MPND: variants seen among roughly 807,000 people sequenced by gnomAD.
The protein encoded by MPND is MPN domain-containing protein.
A neutral mutation model predicts 59.2 loss-of-function variants in MPND; 56 were observed. The observed-to-expected ratio is 0.95, with a 90% CI of 0.76 to 1.18. The LOEUF is 1.18. MPND is among the 50% of genes most tolerant of loss of function. The pLI is 0.00. For synonymous variants in MPND, 323 were observed against 291.9 expected, an observed-to-expected ratio of 1.11 and a Z score of -1.09; for missense variants, 671 against 676.0, an observed-to-expected ratio of 0.99 and a Z score of 0.08.
At chr19:4,358,984 C>T (rs972964755) in intron 11 of MPND, among the ~76,000 whole-genome samples, 179 bp from the exon 12 acceptor site, 1 of 152,130 alleles carries the variant, frequency 6.6e-6, no homozygotes, top group Non-Finnish European at 1.5e-5. Context: ...CTCGAGAGAG[C>T]CCTCCTGGAC....
chr19:4,352,428 TAA>T (rs1972340022), intron 3 of MPND, among the ~76,000 whole-genome samples: 1 of 152,182 alleles, frequency 6.6e-6, no homozygotes, highest in African/African-American at 2.4e-5. Flanking sequence ...CTTACGCCTG[TAA>T]TCCCAGCACT....
rs760417017 is a variant in MPND, at chr19:4,359,943, G to A, written c.1447G>A (p.Asp483Asn). 18 of 1,574,496 alleles carry A rather than the reference G, an allele frequency of 1.1e-5. No homozygotes were observed. The highest frequency in any genetic ancestry group is 1.6e-5 in the Non-Finnish European group (18 of 1,159,770). ...KISLASRTPK[D>N]QSLCHVLEQV... Reference sequence around the variant, plus strand: ...CTCCTTGGCCAGCAGGACGCCCAAGGACCAGAGCCTGTGTCACGTCCTGGA... The same window carrying A: ...CTCCTTGGCCAGCAGGACGCCCAAGAACCAGAGCCTGTGTCACGTCCTGGA... The change falls in exon 13 of 13, where the codon GAC becomes AAC. Residue 483 changes from aspartate (D) to asparagine (N), a missense_variant. Transcript: ENST00000599840.
rs375908042 is a variant in MPND at position 4,357,335 on chromosome 19, T to C, written c.1079T>C (p.Leu360Pro). 4.0e-5 allele frequency: 64 copies of C among 1,613,150 alleles called. No individual in the cohort carries two copies. The highest frequency in any genetic ancestry group is 5.2e-5 in the Non-Finnish European group (61 of 1,180,008). ...CCACACAGCCCGGCGCTGCCATCTC[T>C]GCAGGACATCGACGCACAGATGGAC... ...SHPHSPALPS[L>P]QDIDAQMDYQ... Residue 360 changes from leucine (L) to proline (P), a missense_variant, in exon 9 of 13, where the codon CTG becomes CCG. By Grantham distance (98) the Leu-to-Pro change is moderately conservative. Transcript: ENST00000599840.
chr19:4,358,375 C>T, intron 11 of MPND: 2 of 584,330 alleles, frequency 3.4e-6, no homozygotes, highest in South Asian at 2.0e-5. Context: ...CTCACCTCCC[C>T]ACCTGCTGTT....
rs1352356145 is a variant in MPND at position 4,357,577 on chromosome 19, C to T, written c.1228C>T (p.Pro410Ser). ...SKISPFWVMP[P>S]PEQRPSDYGI... is the part of the protein sequence containing the mutation. ...GATCTCACCTTTCTGGGTGATGCCT[C>T]CTCCCGAGGTAGGTGGGGCTGTTGG... Residue 410 changes from proline (P) to serine (S), a missense_variant, in exon 10 of 13, where the codon CCT becomes TCT. Physicochemically the swap from Pro to Ser is moderately conservative, Grantham distance 74. Transcript: ENST00000599840. 6.2e-7 allele frequency: 1 copy of T among 1,612,144 alleles called. No homozygotes were observed. Among genetic ancestry groups the T allele is most frequent in the African/African-American group, 1.3e-5 (1 of 74,916 alleles).
In MPND at chr19:4,345,883, T is replaced by G; in HGVS notation, c.433T>G (p.Trp145Gly). 6.2e-7 allele frequency: 1 copy of G among 1,614,038 alleles called. No individual in the cohort carries two copies. The highest frequency in any genetic ancestry group is 1.1e-5 in the South Asian group (1 of 91,084). The change falls in exon 3 of 13, where the codon TGG becomes GGG. Residue 145 changes from tryptophan (W) to glycine (G), a missense_variant. Physicochemically the swap from Trp to Gly is radical, Grantham distance 184 (BLOSUM62 -2). Coordinates refer to ENST00000599840, the MANE Select transcript of MPND (RefSeq NM_001300862.2). The part of the protein sequence containing the change: ...VNPAKKSGCG[W>G]ASVKYKGQKL... ...CCCTGCCAAGAAGTCGGGCTGTGGC[T>G]GGGCCTCTGTCAAGTACAAAGGCCA...
At chr19:4,343,629 C>CGGGGCGCGGGGCTGCA (rs1437821191) in intron 1 of MPND, 29 bp downstream of exon 1, 330,160 of 1,187,290 alleles carry the variant, frequency 0.28, 49,240 homozygotes, top group East Asian at 0.46. Context: ...GGCGGAGGCG[C>CGGGGCGCGGGGCTGCA]GGGGCGCGGG....
At chr19:4,358,424 G>C in intron 11 of MPND, 1 of 517,924 alleles carries the variant, frequency 1.9e-6, no homozygotes, top group Non-Finnish European at 3.5e-6. Flanking sequence ...CTGTCCAGTA[G>C]AGAAACCCCA....
At chr19:4,359,070 C>T in intron 11 of MPND, 93 bp from the exon 12 acceptor site, 1 of 823,854 alleles carries the variant, frequency 1.2e-6, no homozygotes, top group Non-Finnish European at 2.1e-6. Context: ...GGGGTCATGT[C>T]TCAGGGCTGC....
chr19:4,344,054 TG>T (rs1226515461), intron 2 of MPND, 60 bp downstream of exon 2: 3 of 1,173,122 alleles, frequency 2.6e-6, no homozygotes, highest in African/African-American at 1.6e-5. Context: ...AACTGAGGCC[TG>T]GAGTTCCCTT....
intron 3 of MPND, among the ~76,000 whole-genome samples, chr19:4,352,202 T>TA (rs1972334727): frequency 6.6e-6 from 1 of 151,502 alleles, no homozygotes; most frequent in African/African-American, 2.4e-5. Context: ...AAAGAATAGA[T>TA]AGAGTTCAGA....
In MPND at chr19:4,352,982, A is replaced by G; in HGVS notation, c.617A>G (p.Lys206Arg). The change falls in exon 4 of 13, where the codon AAG becomes AGG. Residue 206 changes from lysine to arginine, a missense_variant. Transcript: ENST00000599840. The stretch of plus-strand genomic sequence containing the variant: ...CTGGCAGGGGTCTCAGCAGAGGACA[A>G]GAGTCGGAGACCACTGGGGAAGAGC... ...DVLAGVSAEDKSRRPLGKSPS... is the reference protein window; with the variant it reads ...DVLAGVSAEDRSRRPLGKSPS... The G allele has an allele frequency of 1.5e-6, 2 of 1,375,860 alleles. No homozygotes were observed. Among genetic ancestry groups the G allele is most frequent in the African/African-American group, 1.5e-5 (1 of 67,394 alleles). The allele number at this position is 1,375,860 out of a possible 1,614,324, so 85.2% of individuals were successfully genotyped here. A position where few individuals can be genotyped will look rare whatever the true frequency, so the allele number is the denominator to read the frequency against.
rs1209553612 is a variant in MPND, at chr19:4,360,000, T to C, written c.1504T>C (p.Ter502ArgextTer19). 1.3e-6 allele frequency: 2 copies of C among 1,560,504 alleles called. No individual in the cohort carries two copies. The highest frequency in any genetic ancestry group is 1.7e-6 in the Non-Finnish European group (2 of 1,151,936). The change falls in exon 13 of 13, where the codon TGA becomes CGA. Residue 502 changes from the stop codon to arginine, a stop_lost. Coordinates refer to ENST00000599840, the MANE Select transcript of MPND (RefSeq NM_001300862.2). ...GTGCGGCGTCCTCAAGCAGGGGAGC[T>C]GAGCCTTCCAGGGCAGGGTGGGCTC... ...QVCGVLKQGS[*>R]
chr19:4,357,787 G>A (rs753843195), intron 10 of MPND: 21 of 622,752 alleles, frequency 3.4e-5, no homozygotes, highest in Non-Finnish European at 4.5e-5. Flanking sequence ...GTCATTGGCT[G>A]CTCAGTACAA....
In MPND at chr19:4,354,053, A is replaced by G; in HGVS notation, c.673A>G (p.Thr225Ala). 1 of 1,612,940 alleles carries G rather than the reference A, an allele frequency of 6.2e-7. No homozygotes were observed. Among genetic ancestry groups the G allele is most frequent in the Non-Finnish European group, 8.5e-7 (1 of 1,179,146 alleles). Reference protein sequence around the residue: ...PSEPAHPEATTPGKRVDSKIR... With the variant: ...PSEPAHPEATAPGKRVDSKIR... Reference sequence around the variant, plus strand: ...GCCTTTTTCTCTCCCAGAGGCCACAACCCCAGGGAAGCGGGTGGACAGCAA... The same window carrying G: ...GCCTTTTTCTCTCCCAGAGGCCACAGCCCCAGGGAAGCGGGTGGACAGCAA... The change falls in exon 5 of 13, where the codon ACC becomes GCC. Residue 225 changes from threonine to alanine, a missense_variant. Physicochemically the swap from Thr to Ala is moderately conservative, Grantham distance 58. Transcript: ENST00000599840.
chr19:4,346,999 C>T lies in MPND; in HGVS notation c.531+1018C>T, dbSNP rs1413511637. On this transcript the variant is annotated intron_variant, in intron 3 of 12. Coordinates refer to ENST00000599840, the MANE Select transcript of MPND (RefSeq NM_001300862.2). ...GAGCTGAGATCACACCACTGCATTC[C>T]AGCCTGGCAACAGATTGAGACTCCA... Among the ~76,000 whole-genome samples, 3 of 152,042 alleles carry T rather than the reference C, an allele frequency of 2.0e-5. No homozygotes were observed. In the East Asian group the frequency reaches 5.8e-4, roughly 30 times the overall value.
intron 3 of MPND, among the ~76,000 whole-genome samples, chr19:4,351,861 CAAA>C (rs1217874445): frequency 7.8e-5 from 4 of 51,382 alleles, no homozygotes; most frequent in Admixed American, 4.8e-4. Flanking sequence ...GACTCTGTCT[CAAA>C]AAAAAAAAAA....
chr19:4,354,856 T>G, intron 6 of MPND, 93 bp from the exon 7 acceptor site: 1 of 1,310,846 alleles, frequency 7.6e-7, no homozygotes, highest in Non-Finnish European at 1.0e-6. Flanking sequence ...AGAGCAAGAC[T>G]GAGTCTCAAA....
At position 4,358,082 on chromosome 19, in the gene MPND, G is replaced by A. The variant is rs1187401645; in HGVS notation, c.1237-1G>A. 1 of 1,551,224 alleles carries A rather than the reference G, an allele frequency of 6.4e-7. No homozygotes were observed. The highest frequency in any genetic ancestry group is 1.2e-5 in the South Asian group (1 of 84,068). ...CTCTCACTGGTCTGTGTCCCTGCCA[G>A]CAAAGGCCCAGTGACTATGGCATCC... On this transcript the variant is annotated splice_acceptor_variant, in intron 10 of 12. Transcript: ENST00000599840. LOFTEE classifies it high-confidence loss of function.
Sources: gnomAD v4.1 joint callset for allele counts (sites outside exome capture counted in the v4.1 genomes callset) on GRCh38, gnomAD v4.1.1 for gene constraint, MANE v1.5 for transcripts, NCBI Gene and HGNC (gene_info 2026-07-23, HGNC 2026-07-21) for gene names.